The following MRPL39 variants were observed in gnomAD, a reference collection of about 807,000 sequenced individuals.
MRPL39 encodes the protein large ribosomal subunit protein mL39.
In MRPL39, 35 loss-of-function variants were observed where a neutral mutation model predicts 44.5. The ratio of observed to expected loss-of-function variants is 0.79; its 90% CI spans 0.60 to 1.04. MRPL39 has a LOEUF of 1.04. MRPL39 is among the 50% of genes least tolerant of loss of function. The pLI is 0.00. For synonymous variants in MRPL39, 139 were observed against 136.1 expected (o/e 1.02, Z -0.15); for missense variants, 433 against 413.5 (o/e 1.05, Z -0.41).
upstream of MRPL39, chr21:25,607,569 C>T (rs2031733384): frequency 2.3e-6 from 3 of 1,304,478 alleles, no homozygotes; most frequent in South Asian, 1.3e-5. Flanking sequence ...CAGGTCTGTT[C>T]CGGACCCAGC....
chr21:25,603,874 G>A lies in MRPL39; in HGVS notation c.342C>T (p.Asp114=). 1.2e-6 allele frequency: 2 copies of A among 1,612,724 alleles called. No individual in the cohort carries two copies. The highest frequency in any genetic ancestry group is 1.7e-6 in the Non-Finnish European group (2 of 1,179,336). ...ILALVDGQPW[D]MYKPLTKSCE... ...AGGACTTTGTTAAAGGCTTATACAT[G>A]TCCCAAGGCTGTCCATCCACCAGAG... The change falls in exon 3 of 10, where the codon GAC becomes GAT. Residue 114 remains aspartate, a synonymous_variant. Transcript: ENST00000352957.
At chr21:25,607,651 C>G, upstream of MRPL39, 1 of 657,064 alleles carries the variant, frequency 1.5e-6, no homozygotes, top group East Asian at 2.8e-5. Context: ...CCCCGAGACT[C>G]GGAGCCGGGG....
At chr21:25,588,903 G>A (rs202198863) in intron 8 of MRPL39, 21 bp from the exon 9 acceptor site, 33 of 1,602,414 alleles carry the variant, frequency 2.1e-5, no homozygotes, top group Middle Eastern at 3.3e-4. Flanking sequence ...AAAGATTTGC[G>A]ATGAACTAAA....
rs1204587581 is a variant in MRPL39 at position 25,606,484 on chromosome 21, T to G, written c.245A>C (p.Asn82Thr). 6 of 1,612,000 alleles carry G rather than the reference T, an allele frequency of 3.7e-6. No homozygotes were observed. Among genetic ancestry groups the G allele is most frequent in the Non-Finnish European group, 5.1e-6 (6 of 1,179,154 alleles). ...ACTGTAGGGAGTTGAAATGTTTTTA[T>G]TCATCACGAAGACAGTACCGGGGTC... ...KTDPGTVFVM[N>T]KNISTPYSCA... Residue 82 changes from asparagine (N) to threonine (T), a missense_variant, in exon 2 of 10, where the codon AAT (asparagine) becomes ACT (threonine). Physicochemically the swap from Asn to Thr is moderately conservative, Grantham distance 65. Coordinates refer to ENST00000352957, the MANE Select transcript of MRPL39 (RefSeq NM_017446.4).
intron 3 of MRPL39, among the ~76,000 whole-genome samples, chr21:25,603,273 G>C (rs1481058247): frequency 6.6e-6 from 1 of 152,134 alleles, no homozygotes. Flanking sequence ...GGAAAGGCAG[G>C]CTGGGAACAG....
chr21:25,589,534 C>T (rs1018755565), intron 8 of MRPL39, among the ~76,000 whole-genome samples: 5 of 152,074 alleles, frequency 3.3e-5, no homozygotes, highest in African/African-American at 1.2e-4. Context: ...TCTCCTGCCT[C>T]AGCCTCCCAA....
chr21:25,603,954 C>T lies in MRPL39; in HGVS notation c.281-19G>A. 3 of 1,595,114 alleles carry T rather than the reference C, an allele frequency of 1.9e-6. No homozygotes were observed. Among genetic ancestry groups the T allele is most frequent in the Middle Eastern group, 1.7e-4 (1 of 6,026 alleles). ...CTTAAATCTAGAAATTTAAAACAGA[C>T]TGATTATCTAACAAAATCCAGAGTG... On this transcript the variant is annotated intron_variant, in intron 2 of 9. Transcript: ENST00000352957.
At chr21:25,599,114 T>A (rs2031447529) in intron 5 of MRPL39, among the ~76,000 whole-genome samples, 1 of 152,206 alleles carries the variant, frequency 6.6e-6, no homozygotes, top group African/African-American at 2.4e-5. Flanking sequence ...TTGATAACCA[T>A]CAGCACCCCT....
At chr21:25,603,709 T>A in intron 3 of MRPL39, 87 bp downstream of exon 3, 1 of 1,375,590 alleles carries the variant, frequency 7.3e-7, no homozygotes, top group Non-Finnish European at 9.9e-7. Context: ...TTGGCCATAT[T>A]TTTACATTAC....
Position 25,606,437 on chromosome 21 carries a change from T to C in MRPL39, c.280+12A>G. On this transcript the variant is annotated intron_variant, in intron 2 of 9. Transcript: ENST00000352957. Reference sequence around the variant, plus strand: ...AAAAGGGTCAAAACTGTAACCTGATTCTGCTACTTACGCATGGCACAACTG... The same window carrying C: ...AAAAGGGTCAAAACTGTAACCTGATCCTGCTACTTACGCATGGCACAACTG... 6.3e-7 allele frequency: 1 copy of C among 1,576,444 alleles called. No homozygotes were observed. Among genetic ancestry groups the C allele is most frequent in the Non-Finnish European group, 8.6e-7 (1 of 1,159,510 alleles).
At chr21:25,587,455 T>C (rs1413450545) in intron 9 of MRPL39, among the ~76,000 whole-genome samples, 1 of 152,204 alleles carries the variant, frequency 6.6e-6, no homozygotes, top group East Asian at 1.9e-4. Context: ...AATTCCTATC[T>C]ACATAGTCAT....
At chr21:25,594,354 C>A (rs1050982286) in intron 6 of MRPL39, among the ~76,000 whole-genome samples, 1 of 150,042 alleles carries the variant, frequency 6.7e-6, no homozygotes, top group Non-Finnish European at 1.5e-5. Flanking sequence ...CGGGCTCAAG[C>A]GACCCTCCTG....
chr21:25,600,810 A>C (rs1295975455), intron 4 of MRPL39, among the ~76,000 whole-genome samples: 4 of 152,170 alleles, frequency 2.6e-5, no homozygotes, highest in African/African-American at 9.7e-5. Context: ...GCTTAAAGTA[A>C]AAAATAAACG....
At chr21:25,593,778 TA>T in intron 7 of MRPL39, 114 bp downstream of exon 7, 1 of 803,680 alleles carries the variant, frequency 1.2e-6, no homozygotes, top group South Asian at 2.6e-5. Context: ...AAAAATAAGG[TA>T]ATAAGAACAA....
At position 25,592,972 on chromosome 21, in the gene MRPL39, G is replaced by C; in HGVS notation, c.768-7C>G. Reference sequence around the variant, plus strand: ...ATCAATGAAGTCACCTATTCTGATTGATTTAAAAATAAATAAACAAAACTG... The same window carrying C: ...ATCAATGAAGTCACCTATTCTGATTCATTTAAAAATAAATAAACAAAACTG... On this transcript the variant is annotated splice_polypyrimidine_tract_variant and splice_region_variant and intron_variant, in intron 7 of 9. Coordinates refer to ENST00000352957, the MANE Select transcript of MRPL39 (RefSeq NM_017446.4). 6.4e-7 allele frequency: 1 copy of C among 1,574,758 alleles called. No individual in the cohort carries two copies. The highest frequency in any genetic ancestry group is 8.6e-7 in the Non-Finnish European group (1 of 1,164,304).
chr21:25,606,777 G>C, intron 1 of MRPL39, 122 bp from the exon 2 acceptor site: 1 of 737,136 alleles, frequency 1.4e-6, no homozygotes, highest in Non-Finnish European at 2.2e-6. Context: ...AAGAAACAGA[G>C]CTGGCCCAGA....
At chr21:25,589,193 C>T (rs182568465) in intron 8 of MRPL39, among the ~76,000 whole-genome samples, 1 of 152,256 alleles carries the variant, frequency 6.6e-6, no homozygotes, top group East Asian at 1.9e-4. Context: ...TCATAGAAAG[C>T]ATTTCTTCTA....
At chr21:25,605,718 C>A (rs1020936452) in intron 2 of MRPL39, among the ~76,000 whole-genome samples, 1 of 152,102 alleles carries the variant, frequency 6.6e-6, no homozygotes, top group Non-Finnish European at 1.5e-5. Flanking sequence ...CCAGCCTGGG[C>A]ACCACAGCCA....
Position 25,586,463 on chromosome 21 carries a change from T to C in MRPL39, c.970-709A>G, listed in dbSNP as rs3746834. Among the ~76,000 whole-genome samples the C allele has an allele frequency of 1.1e-4, 16 of 152,316 alleles. No individual in the cohort carries two copies. The East Asian group carries it at 2.3e-3, about 22-fold the overall frequency. ...TGGCTTAAGTCACAGCTATATCCCA[T>C]GCTACCCCTAGAATGAGCTTTTAAA... On this transcript the variant is annotated intron_variant, in intron 9 of 9. Coordinates refer to ENST00000352957, the MANE Select transcript of MRPL39 (RefSeq NM_017446.4).
Sources: allele counts gnomAD v4.1 joint callset (sites outside exome capture counted in the v4.1 genomes callset), GRCh38; gene constraint gnomAD v4.1.1; transcripts MANE v1.5; gene names NCBI Gene and HGNC (gene_info 2026-07-23, HGNC 2026-07-21).